Variants in L3MBTL4 observed in about 807,000 individuals in gnomAD.
L3MBTL4 encodes L3MBTL histone methyl-lysine binding protein 4, also known as lethal(3)malignant brain tumor-like protein 4.
L3MBTL4 carries 70 observed loss-of-function variants against 84.5 expected under a neutral mutation model. That is an observed-to-expected ratio of 0.83 (90% CI 0.68 to 1.01). L3MBTL4 has a LOEUF of 1.01. L3MBTL4 is among the 50% of genes least tolerant of loss of function. L3MBTL4 has a pLI of 0.00. For synonymous variants in L3MBTL4, 274 were observed against 259.8 expected, an observed-to-expected ratio of 1.05 and a Z score of -0.52; for missense variants, 715 against 754.8, an observed-to-expected ratio of 0.95 and a Z score of 0.62.
intron 16 of L3MBTL4, among the ~76,000 whole-genome samples, chr18:6,077,985 G>A (rs969660389): frequency 3.9e-5 from 6 of 151,912 alleles, no homozygotes; most frequent in African/African-American, 9.7e-5. Flanking sequence ...CCAAGATCGC[G>A]CCACTGCACT....
At chr18:6,320,347 A>G (rs1037158596) in intron 1 of L3MBTL4, among the ~76,000 whole-genome samples, 5 of 152,036 alleles carry the variant, frequency 3.3e-5, no homozygotes, top group African/African-American at 9.7e-5. Flanking sequence ...GACCAAGTCA[A>G]AATAAATGAC....
intron 16 of L3MBTL4, among the ~76,000 whole-genome samples, chr18:5,974,933 C>T (rs489387): frequency 0.68 from 102,530 of 151,366 alleles, 35,559 homozygotes; most frequent in African/African-American, 0.84. Context: ...CACTGCATCC[C>T]AGTTTGGGTG....
intron 1 of L3MBTL4, among the ~76,000 whole-genome samples, chr18:6,336,233 A>G (rs1169869564): frequency 8.1e-5 from 12 of 148,294 alleles, no homozygotes; most frequent in Admixed American, 3.3e-4. Flanking sequence ...ACTAGAAAGT[A>G]TAAGATTACC....
chr18:6,186,736 A>G (rs2044786251), intron 12 of L3MBTL4, among the ~76,000 whole-genome samples: 1 of 152,150 alleles, frequency 6.6e-6, no homozygotes, highest in African/African-American at 2.4e-5. Context: ...GTGGATAAAG[A>G]TCTGAAGAAG....
intron 14 of L3MBTL4, among the ~76,000 whole-genome samples, chr18:6,118,993 C>CTTTTT (rs779523685): frequency 4.8e-3 from 399 of 83,630 alleles, no homozygotes; most frequent in Middle Eastern, 0.018. Context: ...TTTTTGGTTT[C>CTTTTT]TTTTTTTTTT....
intron 1 of L3MBTL4, among the ~76,000 whole-genome samples, chr18:6,347,349 A>G (rs2052960644): frequency 6.6e-6 from 1 of 151,948 alleles, no homozygotes; most frequent in Non-Finnish European, 1.5e-5. Context: ...CTTACCCCCA[A>G]AAAAGAAGAA....
intron 4 of L3MBTL4, among the ~76,000 whole-genome samples, chr18:6,270,126 G>A (rs867126469): frequency 2.0e-5 from 3 of 152,212 alleles, no homozygotes; most frequent in Non-Finnish European, 4.4e-5. Flanking sequence ...TATAAATAGC[G>A]CCTTCTTTTG....
At chr18:6,372,299 T>G (rs959525027) in intron 1 of L3MBTL4, among the ~76,000 whole-genome samples, 3 of 152,126 alleles carry the variant, frequency 2.0e-5, no homozygotes, top group Non-Finnish European at 4.4e-5. Flanking sequence ...TATGGGGATG[T>G]GTGGGGCAAG....
At chr18:5,975,587 A>T (rs1206484344) in intron 16 of L3MBTL4, among the ~76,000 whole-genome samples, 1 of 152,238 alleles carries the variant, frequency 6.6e-6, no homozygotes, top group African/African-American at 2.4e-5. Flanking sequence ...TGCCCTGCGT[A>T]CTGAACGTGC....
At chr18:6,069,698 G>A (rs148711434) in intron 16 of L3MBTL4, among the ~76,000 whole-genome samples, 83 of 152,268 alleles carry the variant, frequency 5.5e-4, no homozygotes, top group African/African-American at 1.9e-3. Flanking sequence ...GTGGGGAGGA[G>A]CAGGCAGCAG....
intron 12 of L3MBTL4, among the ~76,000 whole-genome samples, chr18:6,174,164 C>T (rs944803827): frequency 6.6e-6 from 1 of 151,782 alleles, no homozygotes; most frequent in African/African-American, 2.4e-5. Context: ...AAAAAAACTC[C>T]CACTATATGC....
intron 4 of L3MBTL4, among the ~76,000 whole-genome samples, chr18:6,265,825 G>A (rs191347822): frequency 6.6e-5 from 10 of 152,280 alleles, no homozygotes; most frequent in South Asian, 2.1e-4. Flanking sequence ...CAAAGGAATC[G>A]GGAATGGGGA....
intron 16 of L3MBTL4, among the ~76,000 whole-genome samples, chr18:6,005,604 C>G (rs1166309257): frequency 6.6e-6 from 1 of 152,126 alleles, no homozygotes; most frequent in African/African-American, 2.4e-5. Context: ...GTTTTCTGTT[C>G]CTGTGTTAGT....
chr18:6,240,633 A>C (rs1477265563), intron 8 of L3MBTL4, among the ~76,000 whole-genome samples: 4 of 152,324 alleles, frequency 2.6e-5, no homozygotes, highest in African/African-American at 7.2e-5. Context: ...CTTCTCTTTC[A>C]TCAAACCCTG....
At chr18:6,186,595 G>A (rs1463002841) in intron 12 of L3MBTL4, among the ~76,000 whole-genome samples, 3 of 152,214 alleles carry the variant, frequency 2.0e-5, no homozygotes, top group African/African-American at 4.8e-5. Flanking sequence ...GAGGAGAACC[G>A]CAAGGCAACT....
chr18:6,129,888 C>A (rs1045144047), intron 14 of L3MBTL4, among the ~76,000 whole-genome samples: 2 of 152,066 alleles, frequency 1.3e-5, no homozygotes, highest in African/African-American at 4.8e-5. Flanking sequence ...CACTCTTCCT[C>A]CTTTTCTTAA....
intron 1 of L3MBTL4, among the ~76,000 whole-genome samples, chr18:6,368,190 T>C (rs1349128008): frequency 6.6e-6 from 1 of 151,890 alleles, no homozygotes; most frequent in African/African-American, 2.4e-5. Flanking sequence ...GTCACCGGCA[T>C]CCACCAAGAC....
chr18:6,003,036 T>C (rs935064346), intron 16 of L3MBTL4, among the ~76,000 whole-genome samples: 2 of 117,878 alleles, frequency 1.7e-5, no homozygotes, highest in African/African-American at 6.6e-5. Context: ...TCTCTATTTA[T>C]AGAGATACTA....
chr18:6,289,764 T>C (rs966167386), intron 4 of L3MBTL4, among the ~76,000 whole-genome samples: 2 of 152,152 alleles, frequency 1.3e-5, no homozygotes, highest in African/African-American at 4.8e-5. Context: ...CAGTGAAATG[T>C]TTATCTTGAA....
Sources: gnomAD v4.1 joint callset for allele counts (sites outside exome capture counted in the v4.1 genomes callset) on GRCh38, gnomAD v4.1.1 for gene constraint, MANE v1.5 for transcripts, NCBI Gene and HGNC (gene_info 2026-07-23, HGNC 2026-07-21) for gene names.